The following ZNF668 variants were observed in gnomAD, a reference collection of about 807,000 sequenced individuals.
ZNF668 encodes the protein zinc finger protein 668.
ZNF668 carries 10 observed loss-of-function variants against 40.3 expected under a neutral mutation model. The observed-to-expected ratio is 0.25, with a 90% CI of 0.15 to 0.42. The LOEUF (loss-of-function observed/expected upper bound fraction) is 0.42. ZNF668 is among the 10% of genes least tolerant of loss of function. ZNF668 has a pLI of 1.00. For synonymous variants in ZNF668, 428 were observed against 384.6 expected, an observed-to-expected ratio of 1.11 and a Z score of -1.32; for missense variants, 749 against 904.6, an observed-to-expected ratio of 0.83 and a Z score of 2.21.
rs772771130 is a variant in ZNF668, at chr16:31,061,975, C to G, written c.953G>C (p.Arg318Pro). The G allele has an allele frequency of 6.8e-6, 11 of 1,613,714 alleles. No individual in the cohort carries two copies. Among genetic ancestry groups the G allele is most frequent in the Non-Finnish European group, 9.3e-6 (11 of 1,179,842 alleles). ...GTGCATGGCCAGGTCCGCCGGCTGC[C>G]GGAAGTCCTTGCCGCACTTCTCGCA... is the stretch of plus-strand genomic sequence containing the variant. ...YHCEKCGKDF[R>P]QPADLAMHRR... is the part of the protein sequence containing the mutation. The change falls in exon 3 of 3, where the codon CGG (arginine) becomes CCG (proline). Residue 318 changes from arginine (R) to proline (P), a missense_variant. Arg to Pro is a moderately radical substitution (Grantham distance 103). This residue lies in a region of ZNF668 where 129 missense variants were observed against 231.2 expected (regional missense o/e 0.56). Coordinates refer to ENST00000300849, the MANE Select transcript of ZNF668 (RefSeq NM_024706.5). This position sits in a 1 kb window ranked among gnomAD's most constrained non-coding sequence, Gnocchi z 7.7.
In ZNF668 at chr16:31,061,591, G is replaced by C; in HGVS notation, c.1337C>G (p.Pro446Arg). The change falls in exon 3 of 3, where the codon CCG becomes CGG. Residue 446 changes from proline to arginine, a missense_variant. Physicochemically the swap from Pro to Arg is moderately radical, Grantham distance 103 (BLOSUM62 -2). Coordinates refer to ENST00000300849, the MANE Select transcript of ZNF668 (RefSeq NM_024706.5). The surrounding 1 kb of genome is among the most constrained non-coding windows in gnomAD (Gnocchi z 7.7). ...GTCCCCCAGCCCCGCCCCTGCTGCC[G>C]GGGCGGCTGAACTCTCACCTGCCAC... Reference protein sequence around the residue: ...VGVAGESSAAPAAGAGLGDPP... With the variant: ...VGVAGESSAARAAGAGLGDPP... 1 of 1,608,878 alleles carries C rather than the reference G, an allele frequency of 6.2e-7. No individual in the cohort carries two copies. The highest frequency in any genetic ancestry group is 1.3e-5 in the African/African-American group (1 of 75,048).
At chr16:31,068,835 C>G (rs2056996901) in intron 1 of ZNF668, 1 of 152,092 alleles carries the variant, frequency 6.6e-6, no homozygotes, top group South Asian at 2.1e-4. Flanking sequence ...GTCTAGAACT[C>G]CTGGGCTCAA....
At position 31,061,852 on chromosome 16, in the gene ZNF668, G is replaced by C; in HGVS notation, c.1076C>G (p.Ser359Cys). ...CTCACAGCGGAAGGGCCGCTGGCCA[G>C]AGTGCACCAGCGCGTGCCGCTTGAG... ...WDLKRHALVH[S>C]GQRPFRCEEC... Residue 359 changes from serine (S) to cysteine (C), a missense_variant, in exon 3 of 3, where the codon TCT (serine) becomes TGT (cysteine). Physicochemically the swap from Ser to Cys is moderately radical, Grantham distance 112. Transcript: ENST00000300849. This position sits in a 1 kb window ranked among gnomAD's most constrained non-coding sequence, Gnocchi z 7.7. 4 of 1,612,962 alleles carry C rather than the reference G, an allele frequency of 2.5e-6. No homozygotes were observed. The highest frequency in any genetic ancestry group is 3.4e-6 in the Non-Finnish European group (4 of 1,179,686).
chr16:31,061,383 C>A lies in ZNF668; in HGVS notation c.1545G>T (p.Gln515His), dbSNP rs377278400. 1 of 1,613,730 alleles carries A rather than the reference C, an allele frequency of 6.2e-7. No individual in the cohort carries two copies. Among genetic ancestry groups the A allele is most frequent in the Admixed American group, 1.7e-5 (1 of 60,016 alleles). Residue 515 changes from glutamine to histidine, a missense_variant, in exon 3 of 3, where the codon CAG becomes CAT. By Grantham distance (24) the Gln-to-His change is conservative. This residue lies in a region of ZNF668 where 310 missense variants were observed against 355.1 expected (regional missense o/e 0.87). Transcript: ENST00000300849. The surrounding 1 kb of genome is among the most constrained non-coding windows in gnomAD (Gnocchi z 7.7). ...TCTCCTTGCACTCTCGGCACACAAA[C>A]TGGGGGGGCTTCTCGTCAGCCTCCT... Reference protein sequence around the residue: ...GGEEADEKPPQFVCRECKETF... With the variant: ...GGEEADEKPPHFVCRECKETF...
chr16:31,071,621 A>G (rs1006303173), intron 1 of ZNF668, among the ~76,000 whole-genome samples: 12 of 152,172 alleles, frequency 7.9e-5, no homozygotes, highest in Admixed American at 2.0e-4. Flanking sequence ...AATTTATTAA[A>G]AATTCTTTGT....
At chr16:31,070,467 C>A (rs1365756742) in intron 1 of ZNF668, among the ~76,000 whole-genome samples, 1 of 151,532 alleles carries the variant, frequency 6.6e-6, no homozygotes, top group Non-Finnish European at 1.5e-5. Flanking sequence ...CTTGGCTTCC[C>A]AAAGTGCTTG....
intron 1 of ZNF668, chr16:31,064,892 G>C: frequency 7.1e-7 from 1 of 1,412,280 alleles, no homozygotes; most frequent in Non-Finnish European, 9.2e-7. Flanking sequence ...CAAGCGCCCA[G>C]AAAAGACAGA....
intron 1 of ZNF668, 61 bp from the exon 2 acceptor site, chr16:31,064,542 A>G (rs767306088): frequency 1.3e-6 from 2 of 1,595,802 alleles, no homozygotes; most frequent in South Asian, 1.1e-5. Flanking sequence ...AAAGCCTCAG[A>G]GAGAACCCTA....
At chr16:31,063,034 C>A (rs2056947279) in intron 2 of ZNF668, among the ~76,000 whole-genome samples, 1 of 151,906 alleles carries the variant, frequency 6.6e-6, no homozygotes, top group South Asian at 2.1e-4. Flanking sequence ...GCGGAGGTTG[C>A]GGTGAGCCGA....
Position 31,061,680 on chromosome 16 carries a change from G to A in ZNF668, c.1248C>T (p.Ser416=). Reference sequence around the variant, plus strand: ...CAGGGGGCACACCCGCGGCCTCACTGCTTCGATGGGTCCGCTCGTGCTTCC... The same window carrying A: ...CAGGGGGCACACCCGCGGCCTCACTACTTCGATGGGTCCGCTCGTGCTTCC... ...SLRKHERTHR[S]SEAAGVPPAQ... Residue 416 remains serine (S), a synonymous_variant, in exon 3 of 3, where the codon AGC becomes AGT. Transcript: ENST00000300849. The surrounding 1 kb of genome is among the most constrained non-coding windows in gnomAD (Gnocchi z 7.7). The A allele has an allele frequency of 6.2e-7, 1 of 1,613,508 alleles. No homozygotes were observed. The highest frequency in any genetic ancestry group is 8.5e-7 in the Non-Finnish European group (1 of 1,179,908).
At chr16:31,066,124 G>A (rs953220316) in intron 1 of ZNF668, 1 of 985,412 alleles carries the variant, frequency 1.0e-6, no homozygotes, top group Non-Finnish European at 1.2e-6. Context: ...CCGGCCTCAG[G>A]CCTGCACGCT....
intron 1 of ZNF668, chr16:31,065,222 C>A (rs2056972364): frequency 2.4e-6 from 2 of 820,946 alleles, no homozygotes; most frequent in Non-Finnish European, 2.9e-6. Flanking sequence ...TCTGATCTAA[C>A]ATGGCCTCCT....
intron 1 of ZNF668, chr16:31,066,393 A>G (rs2056982021): frequency 6.1e-6 from 6 of 984,748 alleles, no homozygotes; most frequent in Non-Finnish European, 7.2e-6. Flanking sequence ...CACTTTTCCC[A>G]CTAAATCCTA....
chr16:31,070,148 G>A (rs2057005718), intron 1 of ZNF668, among the ~76,000 whole-genome samples: 1 of 151,680 alleles, frequency 6.6e-6, no homozygotes, highest in African/African-American at 2.4e-5. Flanking sequence ...TCGATCTATT[G>A]ACCTCGTGAT....
At chr16:31,070,160 C>T (rs1325026809) in intron 1 of ZNF668, among the ~76,000 whole-genome samples, 3 of 151,618 alleles carry the variant, frequency 2.0e-5, no homozygotes, top group Non-Finnish European at 4.4e-5. Context: ...CCTCGTGATC[C>T]GCCCGCCTCG....
chr16:31,061,864 G>C lies in ZNF668; in HGVS notation c.1064C>G (p.Ala355Gly), dbSNP rs372686850. ...FVASWDLKRH[A>G]LVHSGQRPFR... is the part of the protein sequence containing the mutation. ...GGGCCGCTGGCCAGAGTGCACCAGC[G>C]CGTGCCGCTTGAGGTCCCAGGACGC... is the stretch of plus-strand genomic sequence containing the variant. The change falls in exon 3 of 3, where the codon GCG becomes GGG. Residue 355 changes from alanine to glycine, a missense_variant. Physicochemically the swap from Ala to Gly is moderately conservative, Grantham distance 60. Coordinates refer to ENST00000300849, the MANE Select transcript of ZNF668 (RefSeq NM_024706.5). The surrounding 1 kb of genome is among the most constrained non-coding windows in gnomAD (Gnocchi z 7.7). 6.2e-7 allele frequency: 1 copy of C among 1,612,846 alleles called. No individual in the cohort carries two copies. Among genetic ancestry groups the C allele is most frequent in the Non-Finnish European group, 8.5e-7 (1 of 1,179,568 alleles).
chr16:31,068,025 C>T (rs895294738), intron 1 of ZNF668, among the ~76,000 whole-genome samples: 1 of 151,562 alleles, frequency 6.6e-6, no homozygotes, highest in Non-Finnish European at 1.5e-5. Flanking sequence ...AGCTCTGGCC[C>T]TTCTACTGCC....
intron 1 of ZNF668, chr16:31,066,499 G>C (rs2056982498): frequency 2.4e-6 from 1 of 423,188 alleles, no homozygotes; most frequent in African/African-American, 2.2e-5. Context: ...CGAGGCTGCA[G>C]GGAACTATGA....
chr16:31,064,016 G>A lies in ZNF668; in HGVS notation c.444C>T (p.Ala148=), dbSNP rs1251297007. The A allele has an allele frequency of 3.1e-6, 5 of 1,606,030 alleles. No individual in the cohort carries two copies. The highest frequency in any genetic ancestry group is 4.5e-5 in the East Asian group (2 of 44,630). ...TCTTGAGCTTGGAGAGCGCGCCATA[G>A]GCCTTCGGGCAGTGCGCACAGCGGA... ...LPFRCAHCPK[A]YGALSKLKIH... Residue 148 remains alanine (A), a synonymous_variant, in exon 2 of 3, where the codon GCC becomes GCT. Transcript: ENST00000300849.
Sources: allele counts gnomAD v4.1 joint callset (sites outside exome capture counted in the v4.1 genomes callset), GRCh38; gene constraint gnomAD v4.1.1; regional missense constraint gnomAD v4.1.1; non-coding constraint Gnocchi (gnomAD v3.1); transcripts MANE v1.5; gene names NCBI Gene and HGNC (gene_info 2026-07-23, HGNC 2026-07-21).